The following ANXA4 variants were observed in gnomAD, a reference collection of about 807,000 sequenced individuals.
ANXA4 encodes the protein annexin A4, also known as 35-beta calcimedin.
In ANXA4, 39 loss-of-function variants were observed where a neutral mutation model predicts 49.8. The ratio of observed to expected loss-of-function variants is 0.78; its 90% CI spans 0.61 to 1.02. ANXA4 has a LOEUF of 1.02. ANXA4 is among the 50% of genes least tolerant of loss of function. The pLI is 0.00. For synonymous variants in ANXA4, 134 were observed against 152.5 expected, an observed-to-expected ratio of 0.88 and a Z score of 0.89; for missense variants, 360 against 410.1, an observed-to-expected ratio of 0.88 and a Z score of 1.05.
chr2:69,699,381 C>T (rs971031557), intron 2 of ANXA4, among the ~76,000 whole-genome samples: 1 of 152,194 alleles, frequency 6.6e-6, no homozygotes, highest in African/African-American at 2.4e-5. Flanking sequence ...TGGCTCATGT[C>T]TGTAATCCCA....
At chr2:69,694,248 C>T (rs2105377354) in intron 2 of ANXA4, among the ~76,000 whole-genome samples, 1 of 152,254 alleles carries the variant, frequency 6.6e-6, no homozygotes, top group South Asian at 2.1e-4. Flanking sequence ...TTGTTTGCCC[C>T]TTCCACAATG....
chr2:69,813,758 C>CTCTTTT (rs1294748742), intron 8 of ANXA4, among the ~76,000 whole-genome samples: 1 of 82,028 alleles, frequency 1.2e-5, no homozygotes, highest in Non-Finnish European at 2.5e-5. Context: ...CTCTCTCTCT[C>CTCTTTT]TTTTTTTTTT....
chr2:69,668,079 G>C (rs1677007343), intron 2 of ANXA4, among the ~76,000 whole-genome samples: 1 of 152,202 alleles, frequency 6.6e-6, no homozygotes, highest in African/African-American at 2.4e-5. Context: ...ACAGGAGGAA[G>C]GGACAATAAA....
intron 1 of ANXA4, among the ~76,000 whole-genome samples, chr2:69,751,090 CA>C (rs1670822588): frequency 6.6e-6 from 1 of 152,054 alleles, no homozygotes; most frequent in African/African-American, 2.4e-5. Context: ...TTATCATTGC[CA>C]ATGTAAATGA....
chr2:69,668,142 A>G (rs973982756), intron 2 of ANXA4, among the ~76,000 whole-genome samples: 2 of 152,158 alleles, frequency 1.3e-5, no homozygotes, highest in Non-Finnish European at 2.9e-5. Context: ...GGCCATTAAT[A>G]CTATGCATGG....
intron 2 of ANXA4, among the ~76,000 whole-genome samples, chr2:69,719,062 C>T (rs1393277085): frequency 6.6e-6 from 1 of 151,060 alleles, no homozygotes; most frequent in East Asian, 2.0e-4. Context: ...CTGCAACCTC[C>T]ACCTCCTAGG....
At chr2:69,645,377 A>T (rs879632489) in intron 1 of ANXA4, among the ~76,000 whole-genome samples, 2 of 152,260 alleles carry the variant, frequency 1.3e-5, no homozygotes, top group African/African-American at 2.4e-5. Context: ...CCACGAAGGC[A>T]TGTTCTCTGC....
intron 1 of ANXA4, among the ~76,000 whole-genome samples, chr2:69,770,057 C>T (rs1013065191): frequency 5.3e-5 from 8 of 152,154 alleles, no homozygotes; most frequent in Non-Finnish European, 1.0e-4. Context: ...GACAAAAGAC[C>T]GTCCGTAAGT....
chr2:69,786,880 T>C (rs1271537377), intron 2 of ANXA4, among the ~76,000 whole-genome samples: 4 of 152,002 alleles, frequency 2.6e-5, no homozygotes, highest in African/African-American at 9.7e-5. Context: ...TGCCACCATG[T>C]GTAGCTAATT....
At chr2:69,757,440 GTTTT>G (rs1196253828) in intron 1 of ANXA4, among the ~76,000 whole-genome samples, 1 of 108,080 alleles carries the variant, frequency 9.3e-6, no homozygotes. Context: ...CTAATTTTTT[GTTTT>G]TTTTTTTTTT....
At chr2:69,705,534 T>G (rs1381757531) in intron 2 of ANXA4, among the ~76,000 whole-genome samples, 4 of 152,246 alleles carry the variant, frequency 2.6e-5, no homozygotes, top group South Asian at 4.1e-4. Context: ...CCAGAATCTT[T>G]GTTCTACAAT....
intron 2 of ANXA4, among the ~76,000 whole-genome samples, chr2:69,657,998 A>G (rs1409687197): frequency 1.3e-5 from 2 of 151,870 alleles, no homozygotes; most frequent in African/African-American, 4.8e-5. Flanking sequence ...TTTTCTTTGC[A>G]CTCCTGAAAT....
chr2:69,710,295 C>T (rs1211158572), intron 2 of ANXA4, among the ~76,000 whole-genome samples: 1 of 152,036 alleles, frequency 6.6e-6, no homozygotes, highest in East Asian at 1.9e-4. Context: ...CACTTCCAGG[C>T]TTTTTAAATG....
chr2:69,824,276 G>A (rs1158129215), intron 12 of ANXA4, among the ~76,000 whole-genome samples: 2 of 152,122 alleles, frequency 1.3e-5, no homozygotes, highest in African/African-American at 4.8e-5. Flanking sequence ...GCCAAGGTGA[G>A]TGGATCACTT....
intron 2 of ANXA4, among the ~76,000 whole-genome samples, chr2:69,670,750 G>T (rs941475379): frequency 6.6e-6 from 1 of 151,920 alleles, no homozygotes; most frequent in Non-Finnish European, 1.5e-5. Context: ...AGGGTCAGGC[G>T]TGATGGCTCA....
chr2:69,751,105 A>G (rs1670823084), intron 1 of ANXA4, among the ~76,000 whole-genome samples: 1 of 152,172 alleles, frequency 6.6e-6, no homozygotes, highest in Non-Finnish European at 1.5e-5. Flanking sequence ...TAAATGAGGA[A>G]ACTGAGGCAC....
rs558237375 is a variant in ANXA4, at chr2:69,825,573, T to G, written c.*58T>G. 9 of 1,321,158 alleles carry G rather than the reference T, an allele frequency of 6.8e-6. No individual in the cohort carries two copies. In the East Asian group the frequency reaches 2.1e-4, roughly 31 times the overall value. 81.8% of individuals were successfully genotyped at this position (1,321,158 alleles called of 1,614,324 possible). On this transcript the variant is annotated 3_prime_UTR_variant, in exon 13 of 13. Transcript: ENST00000394295. Reference sequence around the variant, plus strand: ...AACACTTTGAATTTTTTTAACTTCATTTTTCTACACTGCTATTATCATTAT... The same window carrying G: ...AACACTTTGAATTTTTTTAACTTCAGTTTTCTACACTGCTATTATCATTAT...
chr2:69,739,249 C>T (rs6734377), upstream of ANXA4, among the ~76,000 whole-genome samples: 6,292 of 152,242 alleles, frequency 0.041, 428 homozygotes, highest in African/African-American at 0.14. Flanking sequence ...TGTTGCTTCT[C>T]GGTTTTCCCT....
At chr2:69,794,490 C>T (rs1440128995) in intron 3 of ANXA4, among the ~76,000 whole-genome samples, 2 of 133,778 alleles carry the variant, frequency 1.5e-5, no homozygotes, top group East Asian at 4.4e-4. Context: ...AGACTGAGGG[C>T]TGGTATGTTA....
Sources: gnomAD v4.1 joint callset for allele counts (sites outside exome capture counted in the v4.1 genomes callset) on GRCh38, gnomAD v4.1.1 for gene constraint, MANE v1.5 for transcripts, NCBI Gene and HGNC (gene_info 2026-07-23, HGNC 2026-07-21) for gene names.